Variants in ICE2 observed in about 807,000 individuals in gnomAD.
ICE2 encodes interactor of little elongation complex ELL subunit 2, also known as little elongation complex subunit 2.
A neutral mutation model predicts 105.4 loss-of-function variants in ICE2; 87 were observed. That is an observed-to-expected ratio of 0.83 (90% CI 0.69 to 0.99). The LOEUF (loss-of-function observed/expected upper bound fraction) is 0.99. Ranked by LOEUF, ICE2 falls within the 50% of genes least tolerant of loss-of-function variation. The pLI, the probability that ICE2 is intolerant of heterozygous loss-of-function variation, is 0.00. For synonymous variants in ICE2, 399 were observed against 392.0 expected (o/e 1.02, Z -0.21); for missense variants, 1,323 against 1,146.7 (o/e 1.15, Z -2.22).
At chr15:60,463,072 G>A (rs927998520) in intron 5 of ICE2, among the ~76,000 whole-genome samples, 15 of 152,150 alleles carry the variant, frequency 9.9e-5, no homozygotes, top group Middle Eastern at 3.2e-3. Flanking sequence ...AGATGATTAT[G>A]CCTAATTGTA....
chr15:60,423,433 T>C lies in ICE2; in HGVS notation c.*201A>G. ...ATAATGTTAAAACATATCAAGATCC[T>C]CCTCAAACTTCAAGGGTGAAAAGCA... On this transcript the variant is annotated 3_prime_UTR_variant, in exon 16 of 16. Coordinates refer to ENST00000261520, the MANE Select transcript of ICE2 (RefSeq NM_024611.6). 1 of 409,592 alleles carries C rather than the reference T, an allele frequency of 2.4e-6. No individual in the cohort carries two copies. The highest frequency in any genetic ancestry group is 4.4e-5 in the East Asian group (1 of 22,776). 25.4% of individuals were successfully genotyped at this position (409,592 alleles called of 1,614,324 possible). A position where few individuals can be genotyped will look rare whatever the true frequency, so the allele number is the denominator to read the frequency against.
chr15:60,428,822 A>C, intron 14 of ICE2, 135 bp from the exon 15 acceptor site: 1 of 885,442 alleles, frequency 1.1e-6, no homozygotes, highest in South Asian at 2.6e-5. Context: ...TTTATGACAA[A>C]ATAAGATTTA....
intron 3 of ICE2, among the ~76,000 whole-genome samples, chr15:60,475,677 T>G (rs895844225): frequency 6.6e-6 from 1 of 152,188 alleles, no homozygotes; most frequent in Non-Finnish European, 1.5e-5. Flanking sequence ...TTTTGTATTA[T>G]ATACCTGTAT....
intron 11 of ICE2, 187 bp downstream of exon 11, chr15:60,447,781 CTA>C: frequency 2.1e-6 from 1 of 472,878 alleles, no homozygotes; most frequent in Non-Finnish European, 3.7e-6. Context: ...TTTATGGCTA[CTA>C]TATACAAACA....
Position 60,423,776 on chromosome 15 carries a change from C to T in ICE2, c.2821-14G>A. ...CGTTCCACCAATCTAAGAGATGAAG[C>T]AGAGAACAGAATAGCTTAATGTATC... On this transcript the variant is annotated splice_polypyrimidine_tract_variant and intron_variant, in intron 15 of 15. Transcript: ENST00000261520. 6.4e-7 allele frequency: 1 copy of T among 1,569,310 alleles called. No individual in the cohort carries two copies. Among genetic ancestry groups the T allele is most frequent in the South Asian group, 1.2e-5 (1 of 82,214 alleles).
chr15:60,445,516 A>C (rs2063803477), intron 11 of ICE2: 1 of 925,112 alleles, frequency 1.1e-6, no homozygotes, highest in Admixed American at 6.2e-5. Flanking sequence ...CATTCACTGA[A>C]AATTTTAAAA....
intron 14 of ICE2, among the ~76,000 whole-genome samples, chr15:60,431,320 A>C (rs1490814729): frequency 6.6e-6 from 1 of 152,130 alleles, no homozygotes; most frequent in Non-Finnish European, 1.5e-5. Context: ...GGTGTGATTA[A>C]ATTAAGGATT....
rs753375622 is a variant in ICE2 at position 60,448,171 on chromosome 15, T to A, written c.2120-26A>T. On this transcript the variant is annotated intron_variant, in intron 10 of 15. Transcript: ENST00000261520. ...CTTTAAAAATAGTATTTCTCATTTTTAAAATACATTAGCTCTTACCCATCA... is the reference window on the plus strand; with the variant it reads ...CTTTAAAAATAGTATTTCTCATTTTAAAAATACATTAGCTCTTACCCATCA... 4 of 1,447,756 alleles carry A rather than the reference T, an allele frequency of 2.8e-6. No individual in the cohort carries two copies. The South Asian group carries it at 4.7e-5, about 17-fold the overall frequency. 89.7% of individuals were successfully genotyped at this position (1,447,756 alleles called of 1,614,324 possible).
intron 10 of ICE2, 31 bp from the exon 11 acceptor site, chr15:60,448,176 T>C (rs536884602): frequency 5.5e-5 from 77 of 1,412,710 alleles, no homozygotes; most frequent in Admixed American, 2.9e-4. Flanking sequence ...ATTTTTAAAA[T>C]ACATTAGCTC....
intron 9 of ICE2, chr15:60,452,168 G>A (rs1761052130): frequency 2.1e-6 from 2 of 968,630 alleles, no homozygotes; most frequent in South Asian, 4.8e-5. Context: ...TGTGTAAGAA[G>A]AAAACATAAG....
chr15:60,430,641 C>T (rs1170025729), intron 14 of ICE2, among the ~76,000 whole-genome samples: 3 of 152,124 alleles, frequency 2.0e-5, no homozygotes, highest in East Asian at 1.9e-4. Context: ...GAAGTTATTG[C>T]ACTTGACACC....
intron 9 of ICE2, chr15:60,451,037 C>G: frequency 2.9e-6 from 1 of 348,720 alleles, no homozygotes; most frequent in Non-Finnish European, 4.0e-6. Context: ...AAGCAAGAAG[C>G]GTTATATAGA....
chr15:60,428,098 A>G (rs546545756), intron 15 of ICE2, among the ~76,000 whole-genome samples: 1 of 152,346 alleles, frequency 6.6e-6, no homozygotes, highest in South Asian at 2.1e-4. Flanking sequence ...CCCAGTATAT[A>G]TAAATAAAAA....
At chr15:60,424,979 G>T (rs909008592) in intron 15 of ICE2, among the ~76,000 whole-genome samples, 1 of 152,060 alleles carries the variant, frequency 6.6e-6, no homozygotes, top group Non-Finnish European at 1.5e-5. Flanking sequence ...TGGCCACCTT[G>T]TTCTCCTCTA....
In ICE2 at chr15:60,420,770, T is replaced by TCC; in HGVS notation, c.*2863_*2864insGG. 1 of 152,238 alleles carries TCC rather than the reference T, an allele frequency of 6.6e-6. No individual in the cohort carries two copies. Among genetic ancestry groups the TCC allele is most frequent in the African/African-American group, 2.4e-5 (1 of 41,460 alleles). 9.4% of individuals were successfully genotyped at this position (152,238 alleles called of 1,614,324 possible). On this transcript the variant is annotated 3_prime_UTR_variant, in exon 16 of 16. Transcript: ENST00000261520. ...AACTACCAAGATCTGGTTAGATGAC[T>TCC]TGCTTACTTTATCAAAGCACTTATC...
chr15:60,443,928 T>C (rs1010414154), intron 11 of ICE2, among the ~76,000 whole-genome samples: 1 of 150,682 alleles, frequency 6.6e-6, no homozygotes, highest in Non-Finnish European at 1.5e-5. Flanking sequence ...ACCCTGCCTC[T>C]ACAAAAAATT....
intron 12 of ICE2, 72 bp from the exon 13 acceptor site, chr15:60,436,299 C>A: frequency 1.9e-6 from 1 of 538,460 alleles, no homozygotes; most frequent in Non-Finnish European, 3.2e-6. Flanking sequence ...CCAAGTTATC[C>A]TGTCTCCTTA....
Position 60,432,630 on chromosome 15 carries a change from C to T in ICE2, c.2511-646G>A, listed in dbSNP as rs566311780. Among the ~76,000 whole-genome samples the T allele has an allele frequency of 4.6e-5, 7 of 151,940 alleles. No individual in the cohort carries two copies. In the East Asian group the frequency reaches 1.2e-3, roughly 25 times the overall value. On this transcript the variant is annotated intron_variant, in intron 13 of 15. Transcript: ENST00000261520. Reference sequence around the variant, plus strand: ...AACGCTGGCCGGGTGCAGTGGCTCACGCCTGTAATCCCAGCACTCTGGGAG... The same window carrying T: ...AACGCTGGCCGGGTGCAGTGGCTCATGCCTGTAATCCCAGCACTCTGGGAG...
rs1226160325 is a variant in ICE2, at chr15:60,422,192, G to C, written c.*1442C>G. On this transcript the variant is annotated 3_prime_UTR_variant, in exon 16 of 16. Coordinates refer to ENST00000261520, the MANE Select transcript of ICE2 (RefSeq NM_024611.6). ...TCTGATACTCAAGCTGAGTTCTGTG[G>C]TGCGATCACAACTCACTGTAGCCTT... 6.6e-6 allele frequency: 1 copy of C among 151,160 alleles called. No homozygotes were observed. The highest frequency in any genetic ancestry group is 1.5e-5 in the Non-Finnish European group (1 of 67,906). The allele number at this position is 151,160 out of a possible 1,614,324, so 9.4% of individuals were successfully genotyped here.
Sources: allele counts gnomAD v4.1 joint callset (sites outside exome capture counted in the v4.1 genomes callset), GRCh38; gene constraint gnomAD v4.1.1; transcripts MANE v1.5; gene names NCBI Gene and HGNC (gene_info 2026-07-23, HGNC 2026-07-21).